CHN1: variants seen among roughly 807,000 people sequenced by gnomAD.
CHN1 encodes the protein chimerin 1.
In CHN1, 37 loss-of-function variants were observed where a neutral mutation model predicts 59.5. The ratio of observed to expected loss-of-function variants is 0.62; its 90% confidence interval spans 0.48 to 0.82. The LOEUF (loss-of-function observed/expected upper bound fraction) is 0.82, where lower values mean the gene tolerates loss of function less well. Ranked by LOEUF, CHN1 falls within the 40% of genes least tolerant of loss-of-function variation. The pLI is 0.00. For missense variants in CHN1, 469 were observed against 571.0 expected (o/e 0.82, Z 1.82); for synonymous variants, 206 against 200.4 (o/e 1.03, Z -0.24).
At chr2:174,822,715 C>T (rs1429142680) in intron 8 of CHN1, among the ~76,000 whole-genome samples, 1 of 152,192 alleles carries the variant, frequency 6.6e-6, no homozygotes, top group East Asian at 1.9e-4. Context: ...CACACTGCCT[C>T]AATACCTCCA....
In CHN1 at chr2:175,005,064, C is replaced by T; in HGVS notation, c.-152G>A. 1 of 1,342,348 alleles carries T rather than the reference C, an allele frequency of 7.4e-7. No homozygotes were observed. Among genetic ancestry groups the T allele is most frequent in the Non-Finnish European group, 9.6e-7 (1 of 1,044,064 alleles). 83.2% of individuals were successfully genotyped at this position (1,342,348 alleles called of 1,614,324 possible). A position where few individuals can be genotyped will look rare whatever the true frequency, so the allele number is the denominator to read the frequency against. ...GCCGGCGCCCGGGGAGGCTGCAGGC[C>T]GGGACGCGGGGGACCGCTGCAAGAA... On this transcript the variant is annotated 5_prime_UTR_variant, in exon 1 of 13. Coordinates refer to ENST00000409900, the MANE Select transcript of CHN1 (RefSeq NM_001822.7).
intron 8 of CHN1, among the ~76,000 whole-genome samples, chr2:174,813,737 C>A (rs368064845): frequency 7.2e-5 from 11 of 152,176 alleles, no homozygotes; most frequent in Admixed American, 2.6e-4. Flanking sequence ...TCTTGTAAAT[C>A]TAGTCCAAGT....
In CHN1 at chr2:175,004,975, C is replaced by T. The variant is rs1692017247; in HGVS notation, c.-63G>A. 7 of 1,510,102 alleles carry T rather than the reference C, an allele frequency of 4.6e-6. No individual in the cohort carries two copies. The highest frequency in any genetic ancestry group is 4.4e-6 in the Non-Finnish European group (5 of 1,132,334). 93.5% of individuals were successfully genotyped at this position (1,510,102 alleles called of 1,614,324 possible). On this transcript the variant is annotated 5_prime_UTR_variant, in exon 1 of 13. Coordinates refer to ENST00000409900, the MANE Select transcript of CHN1 (RefSeq NM_001822.7). Reference sequence around the variant, plus strand: ...TCCTCCCAGGCGGGCTAGGGATCACCTCATCAGCCCGCCGCACCCACACCT... The same window carrying T: ...TCCTCCCAGGCGGGCTAGGGATCACTTCATCAGCCCGCCGCACCCACACCT...
chr2:174,900,301 TAGG>T (rs1365465287), intron 5 of CHN1, among the ~76,000 whole-genome samples: 2 of 151,994 alleles, frequency 1.3e-5, no homozygotes, highest in Non-Finnish European at 2.9e-5. Flanking sequence ...AGGAGAAGGC[TAGG>T]AGTTCAAGAC....
At chr2:174,820,920 G>T (rs1685468569) in intron 8 of CHN1, among the ~76,000 whole-genome samples, 1 of 152,082 alleles carries the variant, frequency 6.6e-6, no homozygotes, top group Admixed American at 6.6e-5. Context: ...TTCCTGACAA[G>T]CTCTCTTTTG....
intron 1 of CHN1, among the ~76,000 whole-genome samples, chr2:174,961,944 G>A (rs936950216): frequency 5.3e-5 from 8 of 152,124 alleles, no homozygotes; most frequent in Admixed American, 2.0e-4. Context: ...ATTTTAAACC[G>A]TAATTTCCTT....
intron 6 of CHN1, among the ~76,000 whole-genome samples, chr2:174,877,492 A>C (rs1687602975): frequency 6.6e-6 from 1 of 151,918 alleles, no homozygotes; most frequent in African/African-American, 2.4e-5. Context: ...AGATAATGCA[A>C]CCCCCTCAAT....
At chr2:174,924,682 G>A (rs908501547) in intron 3 of CHN1, among the ~76,000 whole-genome samples, 2 of 152,088 alleles carry the variant, frequency 1.3e-5, no homozygotes, top group African/African-American at 4.8e-5. Flanking sequence ...CAATATAACA[G>A]TACTTGGATA....
intron 5 of CHN1, among the ~76,000 whole-genome samples, chr2:174,882,743 A>C (rs1185665481): frequency 6.6e-6 from 1 of 152,206 alleles, no homozygotes; most frequent in Admixed American, 6.5e-5. Context: ...TGTTTACCAG[A>C]GTCAAAAAAG....
rs1024241867 is a variant in CHN1 at position 174,862,327 on chromosome 2, C to T, written c.550-15370G>A. 2.0e-5 allele frequency among the ~76,000 whole-genome samples: 3 copies of T among 151,698 alleles called. No individual in the cohort carries two copies. In the South Asian group the frequency reaches 6.3e-4, roughly 32 times the overall value. ...ATAGAATTTAATACATTACGTTATA[C>T]CAACGATACTTTTTTTTTTTTTTTG... On this transcript the variant is annotated intron_variant, in intron 6 of 12. Transcript: ENST00000409900.
At chr2:174,916,041 G>A (rs1174051071) in intron 4 of CHN1, among the ~76,000 whole-genome samples, 2 of 152,132 alleles carry the variant, frequency 1.3e-5, no homozygotes, top group Non-Finnish European at 2.9e-5. Flanking sequence ...GCAGACACAG[G>A]CTTTCTCTGA....
intron 1 of CHN1, among the ~76,000 whole-genome samples, chr2:174,955,923 C>G (rs927221763): frequency 6.6e-6 from 1 of 152,128 alleles, no homozygotes; most frequent in African/African-American, 2.4e-5. Context: ...GTTAAACTAC[C>G]TATTAAGCAC....
intron 5 of CHN1, among the ~76,000 whole-genome samples, chr2:174,909,131 G>A (rs1688620438): frequency 6.6e-6 from 1 of 152,118 alleles, no homozygotes; most frequent in African/African-American, 2.4e-5. Flanking sequence ...TACAACTTTA[G>A]TAAGAGATTG....
intron 1 of CHN1, among the ~76,000 whole-genome samples, chr2:174,963,178 G>A (rs535179157): frequency 8.5e-5 from 13 of 152,186 alleles, no homozygotes; most frequent in Non-Finnish European, 1.3e-4. Context: ...GTTACGAGGC[G>A]GGTCCAGATA....
At chr2:174,817,609 G>A (rs921933196) in intron 8 of CHN1, among the ~76,000 whole-genome samples, 4 of 149,470 alleles carry the variant, frequency 2.7e-5, no homozygotes, top group African/African-American at 7.4e-5. Context: ...CTACAGACAC[G>A]CGTCGCTACG....
chr2:174,817,918 T>C (rs1574050512), intron 8 of CHN1, among the ~76,000 whole-genome samples: 1 of 152,308 alleles, frequency 6.6e-6, no homozygotes, highest in East Asian at 1.9e-4. Context: ...ATTACAGGCA[T>C]GAGCCATCGC....
At position 174,952,194 on chromosome 2, in the gene CHN1, C is replaced by G. The variant is rs762075755; in HGVS notation, c.28G>C (p.Glu10Gln). MALTLFDTDEYRPPVWKSYL... is the reference protein window; with the variant it reads MALTLFDTDQYRPPVWKSYL... The stretch of plus-strand genomic sequence containing the variant: ...GATTTCCAAACAGGAGGTCTATATT[C>G]ATCTGTATCTGAAAGAAAAAACATC... The change falls in exon 2 of 13, where the codon GAA becomes CAA. Residue 10 changes from glutamate (E) to glutamine (Q), a missense_variant. This residue lies in a region of CHN1 where 152 missense variants were observed against 166.1 expected (regional missense o/e 0.92). Transcript: ENST00000409900. 1 of 1,461,660 alleles carries G rather than the reference C, an allele frequency of 6.8e-7. No homozygotes were observed. The highest frequency in any genetic ancestry group is 2.8e-5 in the Admixed American group (1 of 35,442). 90.5% of individuals were successfully genotyped at this position (1,461,660 alleles called of 1,614,324 possible).
intron 3 of CHN1, among the ~76,000 whole-genome samples, chr2:174,940,713 A>C (rs1689633809): frequency 6.6e-6 from 1 of 152,182 alleles, no homozygotes; most frequent in Non-Finnish European, 1.5e-5. Context: ...GACACATGAC[A>C]GTTTGTCCCA....
intron 7 of CHN1, chr2:174,846,237 A>C: frequency 6.7e-7 from 1 of 1,496,934 alleles, no homozygotes; most frequent in Non-Finnish European, 8.9e-7. Flanking sequence ...ATCAACACAC[A>C]TATCACCTTG....
Sources: allele counts gnomAD v4.1 joint callset (sites outside exome capture counted in the v4.1 genomes callset), GRCh38; gene constraint gnomAD v4.1.1; regional missense constraint gnomAD v4.1.1; transcripts MANE v1.5; gene names NCBI Gene and HGNC (gene_info 2026-07-23, HGNC 2026-07-21).